The following POFUT2 variants were observed in gnomAD, a reference collection of about 807,000 sequenced individuals.
The protein encoded by POFUT2 is protein O-fucosyltransferase 2.
Under a neutral mutation model 55.0 loss-of-function variants are expected in POFUT2, and 30 were observed. The ratio of observed to expected loss-of-function variants is 0.55; its 90% CI spans 0.41 to 0.74. The LOEUF is 0.74. POFUT2 is among the 30% of genes least tolerant of loss of function. The pLI, the probability that POFUT2 is intolerant of heterozygous loss-of-function variation, is 0.00. For synonymous variants in POFUT2, 267 were observed against 231.1 expected, an observed-to-expected ratio of 1.16 and a Z score of -1.41; for missense variants, 524 against 562.6, an observed-to-expected ratio of 0.93 and a Z score of 0.69.
chr21:45,273,875 G>C (rs2093240318), intron 6 of POFUT2, among the ~76,000 whole-genome samples: 1 of 152,158 alleles, frequency 6.6e-6, no homozygotes. Flanking sequence ...CGGGGGAAAA[G>C]TTGAAAGCAT....
At position 45,282,505 on chromosome 21, in the gene POFUT2, C is replaced by G. The variant is rs2030806191; in HGVS notation, c.528-46G>C. 1 of 1,193,626 alleles carries G rather than the reference C, an allele frequency of 8.4e-7. No homozygotes were observed. The highest frequency in any genetic ancestry group is 2.4e-5 in the East Asian group (1 of 42,402). 73.9% of individuals were successfully genotyped at this position (1,193,626 alleles called of 1,614,324 possible). The stretch of plus-strand genomic sequence containing the variant: ...CAGCTCTATCAGTTTATTTTGCTTT[C>G]ACAAGGAAAACAAATCAAGTCTAGA... On this transcript the variant is annotated intron_variant, in intron 3 of 8. Transcript: ENST00000349485. The surrounding 1 kb of genome is among the most constrained non-coding windows in gnomAD (Gnocchi z 4.6).
chr21:45,268,280 C>G (rs1247340981), intron 7 of POFUT2, among the ~76,000 whole-genome samples: 1 of 152,258 alleles, frequency 6.6e-6, no homozygotes, highest in Non-Finnish European at 1.5e-5. Flanking sequence ...CTCGTTCACT[C>G]AGTGCTCGAT....
intron 3 of POFUT2, 107 bp downstream of exon 3, chr21:45,283,276 G>C: frequency 2.0e-6 from 1 of 488,670 alleles, no homozygotes; most frequent in Non-Finnish European, 3.6e-6. Flanking sequence ...CACCCACGGT[G>C]GTGGGGAGGA....
At chr21:45,283,771 C>G (rs1225983304) in intron 2 of POFUT2, among the ~76,000 whole-genome samples, 1 of 152,176 alleles carries the variant, frequency 6.6e-6, no homozygotes, top group Non-Finnish European at 1.5e-5. Context: ...CGGCCCTACC[C>G]CTGCCTGGCT....
At position 45,264,176 on chromosome 21, in the gene POFUT2, G is replaced by C. The variant is rs1371646434; in HGVS notation, c.*1306C>G. On this transcript the variant is annotated 3_prime_UTR_variant, in exon 9 of 9. Coordinates refer to ENST00000349485, the MANE Select transcript of POFUT2 (RefSeq NM_133635.6). The stretch of plus-strand genomic sequence containing the variant: ...GAAGACACAGCAAGGTGATGTCCTA[G>C]ACTAGCCAGGCTCCGAAAGGAAGAG... The C allele has an allele frequency of 1.3e-5, 2 of 151,552 alleles. No homozygotes were observed. The highest frequency in any genetic ancestry group is 4.9e-5 in the African/African-American group (2 of 40,992). The allele number at this position is 151,552 out of a possible 1,614,324, so 9.4% of individuals were successfully genotyped here. A position where few individuals can be genotyped will look rare whatever the true frequency, so the allele number is the denominator to read the frequency against.
In POFUT2 at chr21:45,282,688, C is replaced by CTGGCGGGA; in HGVS notation, c.528-237_528-230dup. Reference sequence around the variant, plus strand: ...ACTGAGGCTTTCCCCATGATAGGGGCTGGCGGGATGGCCGGGGAGGCAGAG... The same window carrying CTGGCGGGA: ...ACTGAGGCTTTCCCCATGATAGGGGCTGGCGGGATGGCGGGATGGCCGGGGAGGCAGAG... On this transcript the variant is annotated intron_variant, in intron 3 of 8. Coordinates refer to ENST00000349485, the MANE Select transcript of POFUT2 (RefSeq NM_133635.6). The surrounding 1 kb of genome is among the most constrained non-coding windows in gnomAD (Gnocchi z 4.6). The CTGGCGGGA allele has an allele frequency of 1.7e-6, 1 of 572,952 alleles. No individual in the cohort carries two copies. Among genetic ancestry groups the CTGGCGGGA allele is most frequent in the Non-Finnish European group, 3.2e-6 (1 of 310,796 alleles). The allele number at this position is 572,952 out of a possible 1,614,324, so 35.5% of individuals were successfully genotyped here.
At position 45,270,704 on chromosome 21, in the gene POFUT2, G is replaced by A. The variant is rs969836289; in HGVS notation, c.832-685C>T. Among the ~76,000 whole-genome samples, 15 of 152,202 alleles carry A rather than the reference G, an allele frequency of 9.9e-5. No individual in the cohort carries two copies. The highest frequency in any genetic ancestry group is 3.9e-4 in the Admixed American group (6 of 15,286). On this transcript the variant is annotated intron_variant, in intron 6 of 8. Coordinates refer to ENST00000349485, the MANE Select transcript of POFUT2 (RefSeq NM_133635.6). This position sits in a 1 kb window ranked among gnomAD's most constrained non-coding sequence, Gnocchi z 4.6. ...GCTGGAACCCATGGCTGGGAGACCC[G>A]AAGACGGATCACAGCACAGGACTCT...
intron 1 of POFUT2, among the ~76,000 whole-genome samples, 183 bp downstream of exon 1, chr21:45,287,558 T>C (rs1602248508): frequency 3.2e-4 from 1 of 3,174 alleles, no homozygotes; most frequent in Admixed American, 4.9e-3. Flanking sequence ...CCCATCCCCC[T>C]GGCCCCTGCC....
chr21:45,271,036 A>G (rs942511430), intron 6 of POFUT2, among the ~76,000 whole-genome samples: 1 of 152,220 alleles, frequency 6.6e-6, no homozygotes, highest in African/African-American at 2.4e-5. Context: ...ATGGATCCAA[A>G]CCAGGAAGAA....
Position 45,270,255 on chromosome 21 carries a change from A to G in POFUT2, c.832-236T>C, listed in dbSNP as rs2093207233. Among the ~76,000 whole-genome samples the G allele has an allele frequency of 6.6e-6, 1 of 152,178 alleles. No homozygotes were observed. Among genetic ancestry groups the G allele is most frequent in the South Asian group, 2.1e-4 (1 of 4,826 alleles). On this transcript the variant is annotated intron_variant, in intron 6 of 8. Transcript: ENST00000349485. This position sits in a 1 kb window ranked among gnomAD's most constrained non-coding sequence, Gnocchi z 4.6. Reference sequence around the variant, plus strand: ...GAAATCATTTTATCTGAGGTAAAGAAAAATATTTAAAAAGAGAACAGCATG... The same window carrying G: ...GAAATCATTTTATCTGAGGTAAAGAGAAATATTTAAAAAGAGAACAGCATG...
At chr21:45,283,740 T>C (rs1050768340) in intron 2 of POFUT2, among the ~76,000 whole-genome samples, 1 of 152,110 alleles carries the variant, frequency 6.6e-6, no homozygotes, top group East Asian at 1.9e-4. Flanking sequence ...GGGGGTGGTG[T>C]GGAGCTGGTA....
At chr21:45,275,560 A>AC (rs1207625025) in intron 6 of POFUT2, among the ~76,000 whole-genome samples, 1 of 152,250 alleles carries the variant, frequency 6.6e-6, no homozygotes, top group Non-Finnish European at 1.5e-5. Context: ...AAAATGTGGT[A>AC]CATCAGCCAT....
intron 6 of POFUT2, among the ~76,000 whole-genome samples, chr21:45,275,623 A>AT (rs1325195425): frequency 1.3e-5 from 2 of 152,350 alleles, no homozygotes; most frequent in Non-Finnish European, 2.9e-5. Context: ...GCTGGAGACC[A>AT]TTATTCTAAG....
In POFUT2 at chr21:45,285,068, T is replaced by A. The variant is rs1415425944; in HGVS notation, c.382+610A>T. On this transcript the variant is annotated intron_variant, in intron 2 of 8. Coordinates refer to ENST00000349485, the MANE Select transcript of POFUT2 (RefSeq NM_133635.6). The surrounding 1 kb of genome is among the most constrained non-coding windows in gnomAD (Gnocchi z 4.9). ...TGTCGAGTAAGAACTCAACAGATGC[T>A]GGAAAGCAGGAGCCTGACTCAAAAC... 1.3e-5 allele frequency among the ~76,000 whole-genome samples: 2 copies of A among 152,108 alleles called. No individual in the cohort carries two copies. The highest frequency in any genetic ancestry group is 2.9e-5 in the Non-Finnish European group (2 of 68,026).
chr21:45,278,590 G>C (rs1007962145), intron 4 of POFUT2, among the ~76,000 whole-genome samples: 2 of 152,186 alleles, frequency 1.3e-5, no homozygotes, highest in African/African-American at 2.4e-5. Context: ...TCACTGACTC[G>C]AGCTCAAAGC....
intron 3 of POFUT2, 64 bp downstream of exon 3, chr21:45,283,319 G>GA (rs2030962846): frequency 1.2e-6 from 1 of 834,950 alleles, no homozygotes; most frequent in Non-Finnish European, 1.7e-6. Flanking sequence ...GGGGGGGGGG[G>GA]GACGCATGCG....
rs1343465825 is a variant in POFUT2, at chr21:45,281,552, T to C, written c.638+797A>G. ...CGCTGGGGCCAGCGGCAGCTGTTAC[T>C]GACCAGGGTGATACCGAGCCAGCTG... On this transcript the variant is annotated intron_variant, in intron 4 of 8. Transcript: ENST00000349485. The surrounding 1 kb of genome is among the most constrained non-coding windows in gnomAD (Gnocchi z 5.0). 6.6e-6 allele frequency among the ~76,000 whole-genome samples: 1 copy of C among 152,148 alleles called. No individual in the cohort carries two copies. The highest frequency in any genetic ancestry group is 1.5e-5 in the Non-Finnish European group (1 of 68,020).
chr21:45,265,905 A>C lies in POFUT2; in HGVS notation c.1137-270T>G. On this transcript the variant is annotated intron_variant, in intron 8 of 8. Transcript: ENST00000349485. The surrounding 1 kb of genome is among the most constrained non-coding windows in gnomAD (Gnocchi z 4.6). Reference sequence around the variant, plus strand: ...TCAGCAGCCGCCACGCTCCTGTCCCACCGCATGTCCCCCTGGGAGCCCTCC... The same window carrying C: ...TCAGCAGCCGCCACGCTCCTGTCCCCCCGCATGTCCCCCTGGGAGCCCTCC... The C allele has an allele frequency of 7.6e-7, 1 of 1,316,886 alleles. No homozygotes were observed. The highest frequency in any genetic ancestry group is 9.8e-7 in the Non-Finnish European group (1 of 1,023,678). 81.6% of individuals were successfully genotyped at this position (1,316,886 alleles called of 1,614,324 possible).
At position 45,268,673 on chromosome 21, in the gene POFUT2, C is replaced by T. The variant is rs537770929; in HGVS notation, c.1013-960G>A. Among the ~76,000 whole-genome samples, 15 of 148,620 alleles carry T rather than the reference C, an allele frequency of 1.0e-4. No individual in the cohort carries two copies. In the South Asian group the frequency reaches 1.7e-3, roughly 17 times the overall value. On this transcript the variant is annotated intron_variant, in intron 7 of 8. Transcript: ENST00000349485. ...TGTGAGGAGCGCCTCTGCCTGGCCA[C>T]GACCCCGTCTGGGAGGTGAGGAGCG...
Sources: allele counts gnomAD v4.1 joint callset (sites outside exome capture counted in the v4.1 genomes callset), GRCh38; gene constraint gnomAD v4.1.1; non-coding constraint Gnocchi (gnomAD v3.1); transcripts MANE v1.5; gene names NCBI Gene and HGNC (gene_info 2026-07-23, HGNC 2026-07-21).